Variants in RABGAP1 observed in about 807,000 individuals in gnomAD.
RABGAP1 encodes the protein RAB GTPase activating protein 1, also known as rab GTPase-activating protein 1.
In RABGAP1, 23 loss-of-function variants were observed where a neutral mutation model predicts 137.6. That is an observed-to-expected ratio of 0.17 (90% confidence interval 0.12 to 0.24). RABGAP1 has a LOEUF of 0.24. RABGAP1 is among the 10% of genes least tolerant of loss of function. The pLI is 1.00. For missense variants in RABGAP1, 906 were observed against 1,275.8 expected, an observed-to-expected ratio of 0.71 and a Z score of 4.42; for synonymous variants, 451 against 450.7, an observed-to-expected ratio of 1.00 and a Z score of -0.01.
intron 13 of RABGAP1, among the ~76,000 whole-genome samples, chr9:123,064,742 C>T (rs1380907835): frequency 6.6e-6 from 1 of 152,188 alleles, no homozygotes; most frequent in Non-Finnish European, 1.5e-5. Flanking sequence ...TTTTAGTTAA[C>T]TCATTATAGA....
Position 123,103,382 on chromosome 9 carries a change from C to G in RABGAP1, c.*169C>G. ...CCAGAGCTTGTGAAGCAGGCAACCT[C>G]TGGGGTAAGACTACTGATACTAACA... On this transcript the variant is annotated 3_prime_UTR_variant, in exon 26 of 26. Transcript: ENST00000373647. 1 of 1,019,696 alleles carries G rather than the reference C, an allele frequency of 9.8e-7. No homozygotes were observed. Among genetic ancestry groups the G allele is most frequent in the Non-Finnish European group, 1.4e-6 (1 of 719,332 alleles). 63.2% of individuals were successfully genotyped at this position (1,019,696 alleles called of 1,614,324 possible).
chr9:122,969,736 C>CATTTTATTTT (rs3049191), intron 2 of RABGAP1, among the ~76,000 whole-genome samples: 1 of 151,274 alleles, frequency 6.6e-6, no homozygotes, highest in Non-Finnish European at 1.5e-5. Flanking sequence ...GAATTTAAAA[C>CATTTTATTTT]ATTTTATTTT....
chr9:122,988,595 AG>A lies in RABGAP1; in HGVS notation c.591-701del, dbSNP rs747715928. On this transcript the variant is annotated intron_variant, in intron 4 of 25. Transcript: ENST00000373647. ...TTGTTTCAGTCTGAGAAAAAGCATC[AG>A]TTTTTTGTTTTTTATTTTTTCATAA... Among the ~76,000 whole-genome samples the A allele has an allele frequency of 6.0e-4, 91 of 151,260 alleles. 1 individual carries two copies. Among genetic ancestry groups the A allele is most frequent in the Admixed American group, 2.2e-3 (33 of 15,176 alleles).
intron 10 of RABGAP1, among the ~76,000 whole-genome samples, chr9:123,003,225 A>G (rs2029886915): frequency 6.6e-6 from 1 of 152,170 alleles, no homozygotes. Flanking sequence ...TTAAAATCTT[A>G]GGTAGTTTTC....
At chr9:122,982,514 T>A (rs562703673) in intron 2 of RABGAP1, among the ~76,000 whole-genome samples, 1 of 152,312 alleles carries the variant, frequency 6.6e-6, no homozygotes, top group African/African-American at 2.4e-5. Context: ...CATTCCCAGT[T>A]GTAATTACTA....
intron 2 of RABGAP1, among the ~76,000 whole-genome samples, chr9:122,961,866 G>A (rs746225359): frequency 1.3e-5 from 2 of 152,134 alleles, no homozygotes; most frequent in Middle Eastern, 6.8e-3. Context: ...GATAAGATAG[G>A]GACAGATCTG....
Position 122,984,611 on chromosome 9 carries a change from G to A in RABGAP1, c.277G>A (p.Asp93Asn). 2 of 1,614,204 alleles carry A rather than the reference G, an allele frequency of 1.2e-6. No individual in the cohort carries two copies. Among genetic ancestry groups the A allele is most frequent in the Non-Finnish European group, 8.5e-7 (1 of 1,180,032 alleles). ...AAGGTCACAACTGGATGGTGAAGGA[G>A]ATGGGCCTCTTTCTAATCAGCTCTC... ...VKRSQLDGEGDGPLSNQLSAS... is the reference protein window; with the variant it reads ...VKRSQLDGEGNGPLSNQLSAS... Residue 93 changes from aspartate (D) to asparagine (N), a missense_variant, in exon 3 of 26, where the codon GAT becomes AAT. Around this residue, in one of 9 missense-constraint regions of RABGAP1, gnomAD observed 331 missense variants for 358.3 expected, o/e 0.92. Transcript: ENST00000373647.
intron 1 of RABGAP1, among the ~76,000 whole-genome samples, chr9:122,942,691 CAAAA>C (rs916270618): frequency 1.4e-4 from 12 of 83,950 alleles, no homozygotes; most frequent in African/African-American, 4.0e-4. Context: ...AAAAAAAACA[CAAAA>C]AAACAAAATA....
At chr9:122,999,029 G>GTA (rs1837187899) in intron 10 of RABGAP1, among the ~76,000 whole-genome samples, 1 of 152,152 alleles carries the variant, frequency 6.6e-6, no homozygotes, top group Admixed American at 6.5e-5. Flanking sequence ...TGCTAAAGAT[G>GTA]TATTCTCTTA....
At chr9:123,057,511 C>T (rs2033777729) in intron 13 of RABGAP1, among the ~76,000 whole-genome samples, 1 of 150,986 alleles carries the variant, frequency 6.6e-6, no homozygotes, top group Non-Finnish European at 1.5e-5. Flanking sequence ...CGGGAAGAGG[C>T]GCTCCTCACT....
chr9:123,019,041 T>TACCTC lies in RABGAP1; in HGVS notation c.1644-1266_1644-1262dup, dbSNP rs754257640. Among the ~76,000 whole-genome samples the TACCTC allele has an allele frequency of 7.2e-5, 11 of 152,372 alleles. No homozygotes were observed. In the South Asian group the frequency reaches 1.9e-3, roughly 26 times the overall value. On this transcript the variant is annotated intron_variant, in intron 12 of 25. Coordinates refer to ENST00000373647, the MANE Select transcript of RABGAP1 (RefSeq NM_012197.4). Reference sequence around the variant, plus strand: ...CTGTAAAACTAGAGGTACTACCATCTACCTCAGATGGTTGTTCTGAAGGTC... The same window carrying TACCTC: ...CTGTAAAACTAGAGGTACTACCATCTACCTCACCTCAGATGGTTGTTCTGAAGGTC...
At chr9:123,076,860 TAAC>T in intron 19 of RABGAP1, 98 bp downstream of exon 19, 1 of 760,472 alleles carries the variant, frequency 1.3e-6, no homozygotes. Flanking sequence ...ATTATATTTA[TAAC>T]ATTTATAATA....
chr9:122,989,757 T>C, intron 5 of RABGAP1: 1 of 518,214 alleles, frequency 1.9e-6, no homozygotes, highest in East Asian at 3.2e-5. Context: ...AACCATTCTT[T>C]TAAATCAAAA....
intron 1 of RABGAP1, among the ~76,000 whole-genome samples, chr9:122,944,865 C>G (rs994565364): frequency 3.3e-5 from 5 of 152,068 alleles, no homozygotes; most frequent in African/African-American, 1.2e-4. Flanking sequence ...GAGAAAGCCA[C>G]CGCGCCCGGC....
intron 13 of RABGAP1, among the ~76,000 whole-genome samples, chr9:123,049,080 TAAAG>T (rs971575332): frequency 2.0e-5 from 3 of 152,222 alleles, no homozygotes; most frequent in African/African-American, 7.2e-5. Flanking sequence ...TTTCATTAAA[TAAAG>T]AGCCATCTTT....
rs1047006115 is a variant in RABGAP1, at chr9:123,034,787, C to T, written c.1794+14328C>T. 1.2e-6 allele frequency: 2 copies of T among 1,613,712 alleles called. No homozygotes were observed. ...TATTTTATCCAGACTATGGCATATGCTGACCTTTTTGTTGGGGTGAGCTGC... is the reference window on the plus strand; with the variant it reads ...TATTTTATCCAGACTATGGCATATGTTGACCTTTTTGTTGGGGTGAGCTGC... On this transcript the variant is annotated intron_variant, in intron 13 of 25. Transcript: ENST00000373647.
chr9:123,004,466 G>A (rs999304521), intron 10 of RABGAP1, among the ~76,000 whole-genome samples: 34 of 151,748 alleles, frequency 2.2e-4, no homozygotes, highest in Admixed American at 2.0e-4. Flanking sequence ...TTAATTTTTT[G>A]GAGAGACGGA....
intron 1 of RABGAP1, among the ~76,000 whole-genome samples, chr9:122,952,503 C>T (rs1055457238): frequency 1.3e-5 from 2 of 152,010 alleles, no homozygotes; most frequent in African/African-American, 4.8e-5. Flanking sequence ...CTCCTGATCT[C>T]GTGATCTGCC....
intron 2 of RABGAP1, among the ~76,000 whole-genome samples, chr9:122,957,522 T>C (rs1834590426): frequency 6.6e-6 from 1 of 152,216 alleles, no homozygotes; most frequent in Admixed American, 6.5e-5. Context: ...TTGGTCCTGG[T>C]TTACATAATG....
Sources: gnomAD v4.1 joint callset for allele counts (sites outside exome capture counted in the v4.1 genomes callset) on GRCh38, gnomAD v4.1.1 for gene constraint, gnomAD v4.1.1 regional missense constraint, MANE v1.5 for transcripts, NCBI Gene and HGNC (gene_info 2026-07-23, HGNC 2026-07-21) for gene names.